The following TEKT3 variants were observed in gnomAD, a reference collection of about 807,000 sequenced individuals.
TEKT3 encodes the protein tektin 3.
Under a neutral mutation model 49.8 loss-of-function variants are expected in TEKT3, and 49 were observed. The observed-to-expected ratio is 0.98, with a 90% CI of 0.78 to 1.25. TEKT3 has a LOEUF of 1.25. Ranked by LOEUF, TEKT3 falls within the 50% of genes most tolerant of loss-of-function variation. The pLI, the probability that TEKT3 is intolerant of heterozygous loss-of-function variation, is 0.00. For synonymous variants in TEKT3, 225 were observed against 237.2 expected (o/e 0.95, Z 0.47); for missense variants, 595 against 629.5 (o/e 0.95, Z 0.59).
chr17:15,318,006 TTGAGACG>T, intron 5 of TEKT3, among the ~76,000 whole-genome samples: 1 of 148,164 alleles, frequency 6.7e-6, no homozygotes, highest in African/African-American at 2.5e-5. Flanking sequence ...TTTTTTTTTT[TTGAGACG>T]GAGTCTCGCT....
intron 2 of TEKT3, among the ~76,000 whole-genome samples, chr17:15,337,607 G>C (rs1296712152): frequency 1.3e-5 from 2 of 152,198 alleles, no homozygotes; most frequent in East Asian, 3.9e-4. Flanking sequence ...ACTTTGGGAG[G>C]CTGAGGCTGG....
At chr17:15,325,457 C>G (rs1467752959) in intron 4 of TEKT3, among the ~76,000 whole-genome samples, 1 of 152,028 alleles carries the variant, frequency 6.6e-6, no homozygotes, top group African/African-American at 2.4e-5. Context: ...TTCTGAGGCA[C>G]TTGTTCTTTA....
chr17:15,317,586 T>A (rs1376811849), intron 5 of TEKT3, among the ~76,000 whole-genome samples: 3 of 152,168 alleles, frequency 2.0e-5, no homozygotes, highest in Non-Finnish European at 4.4e-5. Context: ...ACGCACAGGA[T>A]GGGCAAATTA....
At chr17:15,322,608 G>A (rs1911314073) in intron 4 of TEKT3, among the ~76,000 whole-genome samples, 1 of 152,142 alleles carries the variant, frequency 6.6e-6, no homozygotes, top group South Asian at 2.1e-4. Flanking sequence ...TCATTACTTG[G>A]ATGTCCTTGT....
chr17:15,318,090 C>T (rs1314860934), intron 5 of TEKT3, among the ~76,000 whole-genome samples: 5 of 150,996 alleles, frequency 3.3e-5, no homozygotes, highest in African/African-American at 9.8e-5. Flanking sequence ...CCCAGGTTCA[C>T]GCCATTCTCT....
chr17:15,331,091 A>G lies in TEKT3; in HGVS notation c.495T>C (p.Asp165=). ...FWKSEIIHEL[D]EMIGETNALT... is the part of the protein sequence containing the mutation. ...GTGCATTTGTCTCTCCAATCATTTC[A>G]TCCAACTCATGAATGATTTCAGATT... Residue 165 remains aspartate (D), a synonymous_variant, in exon 3 of 9, where the codon GAT becomes GAC. Coordinates refer to ENST00000395930, the MANE Select transcript of TEKT3 (RefSeq NM_031898.3). 1 of 1,614,158 alleles carries G rather than the reference A, an allele frequency of 6.2e-7. No individual in the cohort carries two copies. Among genetic ancestry groups the G allele is most frequent in the Non-Finnish European group, 8.5e-7 (1 of 1,180,022 alleles).
At chr17:15,310,420 G>A (rs1052627582) in intron 7 of TEKT3, among the ~76,000 whole-genome samples, 4 of 152,172 alleles carry the variant, frequency 2.6e-5, no homozygotes, top group Non-Finnish European at 5.9e-5. Flanking sequence ...CTGTGGGGGT[G>A]ATTAAGTTAA....
intron 4 of TEKT3, among the ~76,000 whole-genome samples, chr17:15,325,244 T>C (rs1911442509): frequency 1.3e-5 from 2 of 152,234 alleles, no homozygotes; most frequent in Admixed American, 6.5e-5. Flanking sequence ...TTTGAATTTC[T>C]ATATGAATTT....
chr17:15,333,722 GTTTATTTTATTTTAT>G (rs58481435), intron 2 of TEKT3, among the ~76,000 whole-genome samples: 52,981 of 144,138 alleles, frequency 0.37, 11,234 homozygotes, highest in African/African-American at 0.58. Flanking sequence ...CTTGGCTTTG[GTTTATTTTATTTTAT>G]TTTATTTTAT....
Position 15,312,447 on chromosome 17 carries a change from C to T in TEKT3, c.913G>A (p.Asp305Asn). Residue 305 changes from aspartate (D) to asparagine (N), a missense_variant, in exon 7 of 9, where the codon GAT becomes AAT. Asp to Asn is a conservative substitution (Grantham distance 23). Transcript: ENST00000395930. ...CTCTGGGAGCGGAGAATATTGTCAT[C>T]TGTAAATTTGGCCCAGGACTCAGGC... ...SVPESWAKFT[D>N]DNILRSQSER... is the part of the protein sequence containing the mutation. 2 of 1,614,134 alleles carry T rather than the reference C, an allele frequency of 1.2e-6. No homozygotes were observed. The highest frequency in any genetic ancestry group is 4.5e-5 in the East Asian group (2 of 44,882).
At position 15,340,227 on chromosome 17, in the gene TEKT3, C is replaced by T. The variant is rs146140475; in HGVS notation, c.-63-166G>A. Among the ~76,000 whole-genome samples, 41 of 152,218 alleles carry T rather than the reference C, an allele frequency of 2.7e-4. No homozygotes were observed. In the East Asian group the frequency reaches 5.0e-3, roughly 19 times the overall value. ...CAGTTCAAATGAATGACCTGCAACACGTACAGCATAACCATTCTATCAACT... is the reference window on the plus strand; with the variant it reads ...CAGTTCAAATGAATGACCTGCAACATGTACAGCATAACCATTCTATCAACT... On this transcript the variant is annotated intron_variant, in intron 1 of 8. Transcript: ENST00000395930.
rs151306193 is a variant in TEKT3 at position 15,326,585 on chromosome 17, G to A, written c.663+1407C>T. Among the ~76,000 whole-genome samples, 212 of 152,202 alleles carry A rather than the reference G, an allele frequency of 1.4e-3. 3 individuals carry two copies. The highest frequency in any genetic ancestry group is 0.012 in the Admixed American group (180 of 15,290). ...GGATTAAAGGAGTTTGGGAGACAAC[G>A]GGCAGCAAGCCATGGTGATGAAGGA... On this transcript the variant is annotated intron_variant, in intron 4 of 8. Transcript: ENST00000395930.
intron 2 of TEKT3, among the ~76,000 whole-genome samples, chr17:15,332,347 G>T (rs1434300300): frequency 6.6e-6 from 1 of 152,206 alleles, no homozygotes; most frequent in Non-Finnish European, 1.5e-5. Flanking sequence ...TGAGAAAAGA[G>T]AAACAAGGTG....
chr17:15,343,589 A>G (rs1597426495), upstream of TEKT3, among the ~76,000 whole-genome samples: 1 of 152,340 alleles, frequency 6.6e-6, no homozygotes, highest in Non-Finnish European at 1.5e-5. Flanking sequence ...GGGGCTTCCT[A>G]CCTGCCATGA....
chr17:15,315,683 A>T (rs1349524456), intron 5 of TEKT3, among the ~76,000 whole-genome samples: 1 of 152,066 alleles, frequency 6.6e-6, no homozygotes, highest in Non-Finnish European at 1.5e-5. Flanking sequence ...CTAGGGGAGA[A>T]GATGGAAGTT....
At chr17:15,321,892 C>T (rs937296982) in intron 4 of TEKT3, among the ~76,000 whole-genome samples, 5 of 152,174 alleles carry the variant, frequency 3.3e-5, no homozygotes, top group Admixed American at 1.3e-4. Flanking sequence ...AAGCATCTGT[C>T]GTTACAGTTC....
chr17:15,323,082 G>A (rs141097993), intron 4 of TEKT3, among the ~76,000 whole-genome samples: 246 of 152,236 alleles, frequency 1.6e-3, no homozygotes, highest in Non-Finnish European at 2.5e-3. Flanking sequence ...GGGGGTGAGA[G>A]CCCACCCAGA....
intron 8 of TEKT3, among the ~76,000 whole-genome samples, 170 bp downstream of exon 8, chr17:15,308,494 T>C (rs1384664014): frequency 1.3e-5 from 2 of 152,226 alleles, no homozygotes; most frequent in Non-Finnish European, 2.9e-5. Context: ...GACTGTTTCA[T>C]CATCCCACAC....
chr17:15,337,883 T>G (rs1010123615), intron 2 of TEKT3, among the ~76,000 whole-genome samples: 1 of 152,016 alleles, frequency 6.6e-6, no homozygotes, highest in Non-Finnish European at 1.5e-5. Flanking sequence ...TGAGAAAAGA[T>G]AGACTGTTTA....
Sources: gnomAD v4.1 joint callset for allele counts (sites outside exome capture counted in the v4.1 genomes callset) on GRCh38, gnomAD v4.1.1 for gene constraint, MANE v1.5 for transcripts, NCBI Gene and HGNC (gene_info 2026-07-23, HGNC 2026-07-21) for gene names.